The following GPHN variants were observed in gnomAD, a reference collection of about 807,000 sequenced individuals.
The protein encoded by GPHN is gephyrin.
In GPHN, 17 loss-of-function variants were observed where a neutral mutation model predicts 95.5. The observed-to-expected ratio is 0.18, with a 90% CI of 0.12 to 0.27. GPHN has a LOEUF of 0.27. GPHN is among the 10% of genes least tolerant of loss of function. The pLI, the probability that GPHN is intolerant of heterozygous loss-of-function variation, is 1.00. For synonymous variants in GPHN, 320 were observed against 322.5 expected (o/e 0.99, Z 0.08); for missense variants, 660 against 978.1 (o/e 0.67, Z 4.34).
intron 1 of GPHN, among the ~76,000 whole-genome samples, chr14:66,622,939 C>T (rs1046479579): frequency 3.9e-5 from 6 of 152,194 alleles, no homozygotes; most frequent in Admixed American, 2.0e-4. Context: ...GTTCCAAACT[C>T]GCTTCCACAT....
At chr14:67,715,724 G>A in the GPHN span, among the ~76,000 whole-genome samples, 3 of 152,222 alleles carry the variant, frequency 2.0e-5, no homozygotes, top group South Asian at 4.1e-4. Flanking sequence ...CAATACTCAC[G>A]AAGTTGCAAA....
intron 1 of GPHN, among the ~76,000 whole-genome samples, chr14:66,536,416 T>A (rs1336338412): frequency 1.3e-5 from 2 of 152,348 alleles, no homozygotes; most frequent in East Asian, 3.9e-4. Flanking sequence ...CGTTACTTTG[T>A]CATAATGTAT....
chr14:67,249,500 C>G, the GPHN span, among the ~76,000 whole-genome samples: 2 of 152,214 alleles, frequency 1.3e-5, no homozygotes, highest in African/African-American at 2.4e-5. Flanking sequence ...CACTTATTCA[C>G]TTTTTGTTTC....
At chr14:66,548,660 T>A (rs1486275529) in intron 1 of GPHN, among the ~76,000 whole-genome samples, 1 of 152,174 alleles carries the variant, frequency 6.6e-6, no homozygotes, top group East Asian at 1.9e-4. Flanking sequence ...GGCCAGATAA[T>A]AATCCTACAG....
At chr14:67,545,157 G>T in the GPHN span, among the ~76,000 whole-genome samples, 1 of 152,146 alleles carries the variant, frequency 6.6e-6, no homozygotes, top group South Asian at 2.1e-4. Flanking sequence ...TTTGAAGATG[G>T]GTCATCTGAT....
At chr14:67,620,668 A>G in the GPHN span, among the ~76,000 whole-genome samples, 1 of 152,088 alleles carries the variant, frequency 6.6e-6, no homozygotes, top group African/African-American at 2.4e-5. Flanking sequence ...GGCCCGAGCC[A>G]GCCCCACACA....
chr14:66,570,656 G>T (rs572473154), intron 1 of GPHN, among the ~76,000 whole-genome samples: 2 of 152,176 alleles, frequency 1.3e-5, no homozygotes, highest in African/African-American at 4.8e-5. Context: ...TTGACTCAAA[G>T]AATTGTTCTA....
the GPHN span, among the ~76,000 whole-genome samples, chr14:67,652,029 G>A: frequency 0.13 from 19,417 of 152,114 alleles, 1,297 homozygotes; most frequent in East Asian, 0.22. Context: ...TTTCTCCCTA[G>A]TCCACAAGGA....
At chr14:66,770,567 T>C (rs2059128351) in intron 2 of GPHN, among the ~76,000 whole-genome samples, 1 of 152,212 alleles carries the variant, frequency 6.6e-6, no homozygotes, top group Non-Finnish European at 1.5e-5. Flanking sequence ...TTGTGCAATA[T>C]GTTATATACA....
At chr14:66,594,740 T>G (rs1031425502) in intron 1 of GPHN, among the ~76,000 whole-genome samples, 1 of 152,244 alleles carries the variant, frequency 6.6e-6, no homozygotes, top group South Asian at 2.1e-4. Context: ...GGAGAAAAGC[T>G]CTCTGTCATT....
At chr14:67,730,429 G>A in the GPHN span, among the ~76,000 whole-genome samples, 4 of 152,062 alleles carry the variant, frequency 2.6e-5, no homozygotes, top group East Asian at 5.8e-4. Flanking sequence ...CTGAAAATTC[G>A]GAGTCCGGAA....
chr14:67,613,518 A>C, the GPHN span: 1 of 168,854 alleles, frequency 5.9e-6, no homozygotes, highest in Non-Finnish European at 1.3e-5. Context: ...ACAGAACGAG[A>C]CCATGTCTCC....
intron 4 of GPHN, among the ~76,000 whole-genome samples, chr14:66,838,108 T>G (rs1263926740): frequency 6.6e-6 from 1 of 152,168 alleles, no homozygotes; most frequent in Non-Finnish European, 1.5e-5. Flanking sequence ...CTATTTGGGT[T>G]TGAATCTTAG....
chr14:67,489,339 C>A, the GPHN span, among the ~76,000 whole-genome samples: 1 of 152,244 alleles, frequency 6.6e-6, no homozygotes. Context: ...CCACCCAAAT[C>A]TCATCCTTAA....
chr14:67,311,363 AC>A, the GPHN span, among the ~76,000 whole-genome samples: 2 of 150,850 alleles, frequency 1.3e-5, no homozygotes, highest in Non-Finnish European at 2.9e-5. Context: ...ATAGAAATGG[AC>A]CTTGAATTCT....
At chr14:66,815,924 A>T (rs2060946304) in intron 3 of GPHN, among the ~76,000 whole-genome samples, 1 of 152,178 alleles carries the variant, frequency 6.6e-6, no homozygotes, top group African/African-American at 2.4e-5. Context: ...TCTCACATAT[A>T]CAATGGCATA....
At chr14:67,567,843 CGTCAGCCTTGGT>C in the GPHN span, among the ~76,000 whole-genome samples, 3,043 of 152,320 alleles carry the variant, frequency 0.02, 101 homozygotes, top group African/African-American at 0.069. Flanking sequence ...AACCTTCCCT[CGTCAGCCTTGGT>C]GACTCACGTC....
the GPHN span, among the ~76,000 whole-genome samples, chr14:67,517,344 G>C: frequency 6.6e-6 from 1 of 152,326 alleles, no homozygotes; most frequent in South Asian, 2.1e-4. Context: ...GAAAGGCTTC[G>C]GAAGATCTGA....
the GPHN span, among the ~76,000 whole-genome samples, chr14:67,439,573 C>CTTTCTT: frequency 7.1e-6 from 1 of 141,402 alleles, no homozygotes; most frequent in African/African-American, 2.9e-5. Flanking sequence ...TTCTTTCTTT[C>CTTTCTT]TTTCTTTCTT....
Sources: gnomAD v4.1 joint callset for allele counts (sites outside exome capture counted in the v4.1 genomes callset) on GRCh38, gnomAD v4.1.1 for gene constraint, MANE v1.5 for transcripts, NCBI Gene and HGNC (gene_info 2026-07-23, HGNC 2026-07-21) for gene names.